WAC: variants seen among roughly 807,000 people sequenced by gnomAD.
WAC encodes the protein WW domain-containing adapter protein with coiled-coil.
WAC carries 11 observed loss-of-function variants against 79.6 expected under a neutral mutation model. That is an observed-to-expected ratio of 0.14 (90% confidence interval 0.09 to 0.23). WAC has a LOEUF of 0.23. Ranked by LOEUF, WAC falls within the 10% of genes least tolerant of loss-of-function variation. The pLI, the probability that WAC is intolerant of heterozygous loss-of-function variation, is 1.00. For synonymous variants in WAC, 304 were observed against 276.9 expected (o/e 1.10, Z -0.97); for missense variants, 728 against 773.5 (o/e 0.94, Z 0.70).
chr10:28,611,366 G>A, intron 9 of WAC: 2 of 1,296,882 alleles, frequency 1.5e-6, no homozygotes, highest in Non-Finnish European at 2.0e-6. Context: ...TGCCTTGTCT[G>A]GAATGGAAGT....
chr10:28,533,601 C>G lies in WAC; in HGVS notation c.22C>G (p.Gln8Glu). 1.3e-6 allele frequency: 2 copies of G among 1,594,306 alleles called. No homozygotes were observed. The highest frequency in any genetic ancestry group is 2.3e-5 in the East Asian group (1 of 43,134). MVMYARKQQRLSDGCHDR... is the reference protein window; with the variant it reads MVMYARKEQRLSDGCHDR... ...ATTGATGGTAATGTATGCGAGGAAA[C>G]AGCAGAGACTCAGTGATGGGTAAAT... The change falls in exon 1 of 14, where the codon CAG becomes GAG. Residue 8 changes from glutamine (Q) to glutamate (E), a missense_variant. Gln to Glu is a conservative substitution (Grantham distance 29). This residue lies in a region of WAC where 648 missense variants were observed against 661.5 expected (regional missense o/e 0.98). Coordinates refer to ENST00000354911, the MANE Select transcript of WAC (RefSeq NM_016628.5).
At chr10:28,594,038 A>G (rs1840231318) in intron 6 of WAC, among the ~76,000 whole-genome samples, 1 of 152,186 alleles carries the variant, frequency 6.6e-6, no homozygotes, top group Non-Finnish European at 1.5e-5. Flanking sequence ...CTCTCCAGTC[A>G]GGACAAGCAA....
chr10:28,544,931 G>T (rs1487062445), intron 3 of WAC, among the ~76,000 whole-genome samples: 1 of 151,764 alleles, frequency 6.6e-6, no homozygotes, highest in East Asian at 1.9e-4. Flanking sequence ...GGGGCGTGGT[G>T]GTGCATACCT....
Position 28,616,301 on chromosome 10 carries a change from A to G in WAC, c.1685A>G (p.His562Arg). 6.2e-7 allele frequency: 1 copy of G among 1,613,852 alleles called. No individual in the cohort carries two copies. The highest frequency in any genetic ancestry group is 8.5e-7 in the Non-Finnish European group (1 of 1,179,842). ...TCSLTPALAA[H>R]FSENLIKHVQ... The stretch of plus-strand genomic sequence containing the variant: ...TCATTAACGCCTGCACTAGCAGCAC[A>G]CTTCAGTGAAAATCTCATAAAACAC... The change falls in exon 12 of 14, where the codon CAC becomes CGC. Residue 562 changes from histidine to arginine, a missense_variant. Transcript: ENST00000354911.
intron 3 of WAC, among the ~76,000 whole-genome samples, chr10:28,557,021 C>G (rs1838034183): frequency 6.6e-6 from 1 of 150,518 alleles, no homozygotes; most frequent in African/African-American, 2.4e-5. Flanking sequence ...TCTCAAAATG[C>G]TTAGCTATTT....
At chr10:28,611,385 G>T in intron 9 of WAC, 1 of 1,299,996 alleles carries the variant, frequency 7.7e-7, no homozygotes, top group Non-Finnish European at 1.0e-6. Flanking sequence ...GTATAATGGT[G>T]CAAAGACTCT....
intron 3 of WAC, among the ~76,000 whole-genome samples, chr10:28,547,408 G>A (rs1004505419): frequency 6.6e-6 from 1 of 151,990 alleles, no homozygotes; most frequent in East Asian, 1.9e-4. Context: ...GGTGGCATGT[G>A]CCTGTAATCC....
At chr10:28,602,427 T>TA (rs1190179643) in intron 7 of WAC, among the ~76,000 whole-genome samples, 1 of 152,244 alleles carries the variant, frequency 6.6e-6, no homozygotes, top group Non-Finnish European at 1.5e-5. Flanking sequence ...GTCACCTACC[T>TA]ACCTTATGGT....
intron 11 of WAC, 46 bp from the exon 12 acceptor site, chr10:28,616,127 C>A: frequency 7.0e-7 from 1 of 1,427,800 alleles, no homozygotes; most frequent in African/African-American, 1.4e-5. Context: ...TAAGGATACC[C>A]AGAAACTACT....
intron 6 of WAC, among the ~76,000 whole-genome samples, chr10:28,592,063 T>G (rs332155): frequency 2.0e-5 from 3 of 151,952 alleles, no homozygotes; most frequent in Non-Finnish European, 4.4e-5. Flanking sequence ...GTAACATACA[T>G]CTGCAGGATT....
chr10:28,533,829 T>G (rs1836435473), intron 1 of WAC, 169 bp from the exon 2 acceptor site: 1 of 1,012,506 alleles, frequency 9.9e-7, no homozygotes, highest in East Asian at 2.9e-5. Flanking sequence ...TTTCGCCCTC[T>G]CCGGCCCTTC....
rs71391054 is a variant in WAC at position 28,603,961 on chromosome 10, GTATATATA to G, written c.920-4205_920-4198del. Among the ~76,000 whole-genome samples the G allele has an allele frequency of 1.9e-4, 4 of 20,906 alleles. 1 individual carries two copies. Among genetic ancestry groups the G allele is most frequent in the Admixed American group, 6.1e-4 (1 of 1,630 alleles). The allele number at this position is 20,906 out of a possible 152,430, so 13.7% of individuals were successfully genotyped here. A position where few individuals can be genotyped will look rare whatever the true frequency, so the allele number is the denominator to read the frequency against. On this transcript the variant is annotated intron_variant, in intron 7 of 13. Transcript: ENST00000354911. The stretch of plus-strand genomic sequence containing the variant: ...AAAAAAAATATATATATGTATGTAT[GTATATATA>G]TATATATATATATATATATGTATAT...
In WAC at chr10:28,595,990, A is replaced by G. The variant is rs1290550041; in HGVS notation, c.868A>G (p.Lys290Glu). Residue 290 changes from lysine (K) to glutamate (E), a missense_variant, in exon 7 of 14, where the codon AAA becomes GAA. This residue lies in a region of WAC where 648 missense variants were observed against 661.5 expected (regional missense o/e 0.98). Transcript: ENST00000354911. Reference sequence around the variant, plus strand: ...TGCTAATGGAGCATCTACTTTATCAAAACTGCCTACACCCACATCTTCTGT... The same window carrying G: ...TGCTAATGGAGCATCTACTTTATCAGAACTGCCTACACCCACATCTTCTGT... ...FDANGASTLS[K>E]LPTPTSSVPA... The G allele has an allele frequency of 1.2e-6, 2 of 1,614,048 alleles. No individual in the cohort carries two copies. The highest frequency in any genetic ancestry group is 1.7e-6 in the Non-Finnish European group (2 of 1,180,024).
intron 4 of WAC, among the ~76,000 whole-genome samples, chr10:28,584,170 G>A (rs2132634180): frequency 6.6e-6 from 1 of 152,286 alleles, no homozygotes; most frequent in South Asian, 2.1e-4. Flanking sequence ...TAAACAAATA[G>A]TGCCTGTTAA....
At chr10:28,543,320 ATATTT>A (rs1267733792) in intron 3 of WAC, among the ~76,000 whole-genome samples, 1 of 142,250 alleles carries the variant, frequency 7.0e-6, no homozygotes. Flanking sequence ...CAATTTTAGT[ATATTT>A]TATTTGACCT....
intron 7 of WAC, among the ~76,000 whole-genome samples, chr10:28,601,356 A>C (rs572258454): frequency 1.3e-5 from 2 of 152,156 alleles, no homozygotes; most frequent in Non-Finnish European, 2.9e-5. Context: ...CAAAAGCCAT[A>C]ATGAAATACC....
At chr10:28,610,212 A>C (rs1453944894) in intron 8 of WAC, among the ~76,000 whole-genome samples, 1 of 152,076 alleles carries the variant, frequency 6.6e-6, no homozygotes, top group Non-Finnish European at 1.5e-5. Flanking sequence ...GGTGTGAGCT[A>C]CCATGTCCGG....
chr10:28,549,763 T>C lies in WAC; in HGVS notation c.274+14006T>C, dbSNP rs536224515. On this transcript the variant is annotated intron_variant, in intron 3 of 13. Coordinates refer to ENST00000354911, the MANE Select transcript of WAC (RefSeq NM_016628.5). Reference sequence around the variant, plus strand: ...TATACTTATCAGATACATTTTCTTATCTAATGTACATAAGAGGCCACTGAA... The same window carrying C: ...TATACTTATCAGATACATTTTCTTACCTAATGTACATAAGAGGCCACTGAA... Among the ~76,000 whole-genome samples, 54 of 152,306 alleles carry C rather than the reference T, an allele frequency of 3.5e-4. No individual in the cohort carries two copies. The East Asian group carries it at 6.8e-3, about 19-fold the overall frequency.
chr10:28,609,763 A>G (rs1841136785), intron 8 of WAC, among the ~76,000 whole-genome samples: 1 of 152,160 alleles, frequency 6.6e-6, no homozygotes, highest in Non-Finnish European at 1.5e-5. Context: ...AGTTCCAGCT[A>G]CTTGGGAGGC....
Sources: allele counts gnomAD v4.1 joint callset (sites outside exome capture counted in the v4.1 genomes callset), GRCh38; gene constraint gnomAD v4.1.1; regional missense constraint gnomAD v4.1.1; transcripts MANE v1.5; gene names NCBI Gene and HGNC (gene_info 2026-07-23, HGNC 2026-07-21).